SETMAR: variants seen among roughly 807,000 people sequenced by gnomAD.
SETMAR encodes histone-lysine N-methyltransferase SETMAR.
Under a neutral mutation model 58.4 loss-of-function variants are expected in SETMAR, and 44 were observed. That is an observed-to-expected ratio of 0.75 (90% confidence interval 0.59 to 0.97). SETMAR has a LOEUF of 0.97. SETMAR is among the 50% of genes least tolerant of loss of function. SETMAR has a pLI of 0.00. For missense variants in SETMAR, 903 were observed against 840.2 expected (o/e 1.07, Z -0.92); for synonymous variants, 332 against 307.4 (o/e 1.08, Z -0.84).
rs1371238871 is a variant in SETMAR at position 4,316,607 on chromosome 3, T to C, written c.1416T>C (p.Arg472=). Residue 472 remains arginine, a synonymous_variant, in exon 3 of 3, where the codon CGT becomes CGC. Transcript: ENST00000358065. ...TGACTGAAAATCAAAAAAATCGTCGTTTTGAAGTGTCATCTTCTCTTATTC... is the reference window on the plus strand; with the variant it reads ...TGACTGAAAATCAAAAAAATCGTCGCTTTGAAGTGTCATCTTCTCTTATTC... ...HELTENQKNR[R]FEVSSSLILR... 4.5e-6 allele frequency: 7 copies of C among 1,551,136 alleles called. No individual in the cohort carries two copies.
Position 4,312,958 on chromosome 3 carries a change from C to T in SETMAR, c.217C>T (p.Pro73Ser), listed in dbSNP as rs758059201. The change falls in exon 2 of 3, where the codon CCC (proline) becomes TCC (serine). Residue 73 changes from proline to serine, a missense_variant. Transcript: ENST00000358065. The part of the protein sequence containing the change: ...ADIDPTQITF[P>S]GCICVKTPCL... ...CATTGATCCCACTCAAATAACCTTT[C>T]CCGGATGCATTTGTGTCAAAACTCC... 6.2e-7 allele frequency: 1 copy of T among 1,613,960 alleles called. No homozygotes were observed. The highest frequency in any genetic ancestry group is 8.5e-7 in the Non-Finnish European group (1 of 1,179,896).
rs1230524685 is a variant in SETMAR, at chr3:4,316,870, C to T, written c.1679C>T (p.Ala560Val). The T allele has an allele frequency of 6.5e-7, 1 of 1,549,504 alleles. No homozygotes were observed. Among genetic ancestry groups the T allele is most frequent in the Non-Finnish European group, 8.7e-7 (1 of 1,146,760 alleles). Residue 560 changes from alanine (A) to valine (V), a missense_variant, in exon 3 of 3, where the codon GCT (alanine) becomes GTT (valine). Transcript: ENST00000358065. The stretch of plus-strand genomic sequence containing the variant: ...GAAACCATTACATCTGAGAAGTATG[C>T]TCAGGAAATCGATGAGATGAACCAA... ...PGETITSEKYAQEIDEMNQKL... is the reference protein window; with the variant it reads ...PGETITSEKYVQEIDEMNQKL...
At chr3:4,315,571 A>G (rs187678460) in intron 2 of SETMAR, among the ~76,000 whole-genome samples, 99 of 152,296 alleles carry the variant, frequency 6.5e-4, no homozygotes, top group Non-Finnish European at 1.2e-3. Context: ...TCCTAAGGTA[A>G]GAGTCAAAGA....
intron 1 of SETMAR, among the ~76,000 whole-genome samples, chr3:4,310,937 A>G (rs1698382115): frequency 1.3e-5 from 2 of 152,244 alleles, no homozygotes; most frequent in African/African-American, 4.8e-5. Flanking sequence ...ACATTTGAAC[A>G]CTGAACCTTT....
chr3:4,314,103 C>G, intron 2 of SETMAR: 1 of 378,790 alleles, frequency 2.6e-6, no homozygotes, highest in African/African-American at 2.1e-5. Flanking sequence ...GGAACTGGAG[C>G]AGTCATCCTA....
chr3:4,312,802 GT>G, intron 1 of SETMAR, 95 bp from the exon 2 acceptor site: 2 of 1,418,424 alleles, frequency 1.4e-6, no homozygotes, highest in Non-Finnish European at 1.9e-6. Flanking sequence ...TTTTATATAT[GT>G]TAGAATTAGA....
intron 1 of SETMAR, among the ~76,000 whole-genome samples, chr3:4,306,072 C>G (rs111290130): frequency 0.011 from 1,718 of 152,270 alleles, 21 homozygotes; most frequent in African/African-American, 0.038. Context: ...AAGAATACAA[C>G]AAACAGAAAA....
At position 4,313,518 on chromosome 3, in the gene SETMAR, T is replaced by C. The variant is rs149661136; in HGVS notation, c.777T>C (p.Ser259=). 1 of 1,613,904 alleles carries C rather than the reference T, an allele frequency of 6.2e-7. No individual in the cohort carries two copies. Among genetic ancestry groups the C allele is most frequent in the Admixed American group, 1.7e-5 (1 of 59,972 alleles). The change falls in exon 2 of 3, where the codon TCT becomes TCC. Residue 259 remains serine, a synonymous_variant. Transcript: ENST00000358065. ...ATATTGTGCCAGAAGAAGAACTCTC[T>C]TATGATTATTCAGGAAGATATCTTA... ...AKDIVPEEEL[S]YDYSGRYLNL... is the part of the protein sequence containing the mutation.
Position 4,313,331 on chromosome 3 carries a change from G to A in SETMAR, c.590G>A (p.Arg197Lys). 1 of 1,613,634 alleles carries A rather than the reference G, an allele frequency of 6.2e-7. No homozygotes were observed. Among genetic ancestry groups the A allele is most frequent in the Middle Eastern group, 1.7e-4 (1 of 6,058 alleles). ...GACTCCAATTACATTATAGCCATCA[G>A]GGAACATGTTTATAATGGGCAGGTA... ...KSDSNYIIAI[R>K]EHVYNGQVME... The change falls in exon 2 of 3, where the codon AGG (arginine) becomes AAG (lysine). Residue 197 changes from arginine (R) to lysine (K), a missense_variant. Arg to Lys is a conservative substitution (Grantham distance 26). Transcript: ENST00000358065.
At chr3:4,307,809 G>A (rs1698250110) in intron 1 of SETMAR, among the ~76,000 whole-genome samples, 3 of 152,118 alleles carry the variant, frequency 2.0e-5, no homozygotes, top group Admixed American at 6.5e-5. Context: ...GGCCAAGGCG[G>A]GAGAATCACT....
rs142984819 is a variant in SETMAR at position 4,305,965 on chromosome 3, A to G, written c.156+2439A>G. On this transcript the variant is annotated intron_variant, in intron 1 of 2. Transcript: ENST00000358065. ...CTAAGCATTGCTGAGTTCCTGGTCA[A>G]AAACACTGATTTAAAAAACCACTGT... Among the ~76,000 whole-genome samples, 469 of 152,334 alleles carry G rather than the reference A, an allele frequency of 3.1e-3. 6 individuals are homozygous for G. The highest frequency in any genetic ancestry group is 0.011 in the African/African-American group (449 of 41,564).
In SETMAR at chr3:4,313,656, C is replaced by T. The variant is rs764400920; in HGVS notation, c.915C>T (p.Tyr305=). Residue 305 remains tyrosine, a synonymous_variant, in exon 2 of 3, where the codon TAC becomes TAT. Transcript: ENST00000358065. ...TAFLPFDSSL[Y]CPVEKSNISC... ...TCCTGCCTTTTGACAGTTCTCTGTA[C>T]TGCCCCGTAGAAAAGTCGAACATCA... 4 of 1,614,042 alleles carry T rather than the reference C, an allele frequency of 2.5e-6. No homozygotes were observed. Among genetic ancestry groups the T allele is most frequent in the South Asian group, 2.2e-5 (2 of 91,084 alleles).
rs781433708 is a variant in SETMAR at position 4,313,383 on chromosome 3, T to C, written c.642T>C (p.Tyr214=). 6 of 1,613,900 alleles carry C rather than the reference T, an allele frequency of 3.7e-6. No homozygotes were observed. The South Asian group carries it at 6.6e-5, about 18-fold the overall frequency. The part of the protein sequence containing the change: ...QVMETFVDPT[Y]IGNIGRFLNH... ...TGGAAACATTTGTTGACCCTACTTA[T>C]ATAGGAAATATTGGAAGATTCCTTA... The change falls in exon 2 of 3, where the codon TAT becomes TAC. Residue 214 remains tyrosine (Y), a synonymous_variant. Transcript: ENST00000358065.
rs1241750442 is a variant in SETMAR at position 4,316,709 on chromosome 3, A to T, written c.1518A>T (p.Arg506=). 2 of 1,551,036 alleles carry T rather than the reference A, an allele frequency of 1.3e-6. No individual in the cohort carries two copies. Among genetic ancestry groups the T allele is most frequent in the Admixed American group, 2.0e-5 (1 of 50,970 alleles). The change falls in exon 3 of 3, where the codon CGA becomes CGT. Residue 506 remains arginine (R), a synonymous_variant. Transcript: ENST00000358065. ...AGTGGATTTTATATGACAACCGGCG[A>T]CGATCAGCTCAGTGGTTGGATCAAG... ...DEKWILYDNR[R]RSAQWLDQEE... is the part of the protein sequence containing the mutation.
chr3:4,313,122 C>A lies in SETMAR; in HGVS notation c.381C>A (p.His127Gln). Residue 127 changes from histidine (H) to glutamine (Q), a missense_variant, in exon 2 of 3, where the codon CAC becomes CAA. Coordinates refer to ENST00000358065, the MANE Select transcript of SETMAR (RefSeq NM_006515.4). Reference sequence around the variant, plus strand: ...ATGTCCTGTGCCGATGCAGTGACCACTGCAGAAACAGAGTGGTCCAGAAAG... The same window carrying A: ...ATGTCCTGTGCCGATGCAGTGACCAATGCAGAAACAGAGTGGTCCAGAAAG... ...ECNVLCRCSDHCRNRVVQKGL... is the reference protein window; with the variant it reads ...ECNVLCRCSDQCRNRVVQKGL... 1 of 1,614,040 alleles carries A rather than the reference C, an allele frequency of 6.2e-7. No homozygotes were observed. The highest frequency in any genetic ancestry group is 8.5e-7 in the Non-Finnish European group (1 of 1,179,978).
In SETMAR at chr3:4,313,155, G is replaced by C; in HGVS notation, c.414G>C (p.Gln138His). The change falls in exon 2 of 3, where the codon CAG (glutamine) becomes CAC (histidine). Residue 138 changes from glutamine (Q) to histidine (H), a missense_variant. Transcript: ENST00000358065. ...ACAGAGTGGTCCAGAAAGGTCTACAGTTCCACTTCCAAGTGTTCAAGACGC... is the reference window on the plus strand; with the variant it reads ...ACAGAGTGGTCCAGAAAGGTCTACACTTCCACTTCCAAGTGTTCAAGACGC... ...CRNRVVQKGL[Q>H]FHFQVFKTHK... 1 of 1,614,098 alleles carries C rather than the reference G, an allele frequency of 6.2e-7. No homozygotes were observed. Among genetic ancestry groups the C allele is most frequent in the African/African-American group, 1.3e-5 (1 of 75,054 alleles).
intron 1 of SETMAR, among the ~76,000 whole-genome samples, chr3:4,312,052 A>AT (rs538944452): frequency 1.3e-5 from 2 of 152,106 alleles, no homozygotes; most frequent in Non-Finnish European, 2.9e-5. Flanking sequence ...TAAATGACAG[A>AT]TTTTTTTCAT....
rs1285423967 is a variant in SETMAR, at chr3:4,306,547, G to C, written c.156+3021G>C. Among the ~76,000 whole-genome samples, 3 of 152,184 alleles carry C rather than the reference G, an allele frequency of 2.0e-5. No individual in the cohort carries two copies. The East Asian group carries it at 5.8e-4, about 29-fold the overall frequency. ...ATATGCACAGCTCCCAATAAAGTTA[G>C]AGTTACAAAAATAAGACAGGATGCC... On this transcript the variant is annotated intron_variant, in intron 1 of 2. Coordinates refer to ENST00000358065, the MANE Select transcript of SETMAR (RefSeq NM_006515.4).
In SETMAR at chr3:4,316,447, C is replaced by G. The variant is rs1348094739; in HGVS notation, c.1256C>G (p.Ala419Gly). The change falls in exon 3 of 3, where the codon GCA (alanine) becomes GGA (glycine). Residue 419 changes from alanine to glycine, a missense_variant. Coordinates refer to ENST00000358065, the MANE Select transcript of SETMAR (RefSeq NM_006515.4). Reference protein sequence around the residue: ...PSEVDNDQLRAIIEADPLTTT... With the variant: ...PSEVDNDQLRGIIEADPLTTT... ...GAAGTTGACAACGACCAGTTGAGAGCAATCATCGAAGCTGATCCCCTTACA... is the reference window on the plus strand; with the variant it reads ...GAAGTTGACAACGACCAGTTGAGAGGAATCATCGAAGCTGATCCCCTTACA... 7 of 1,601,164 alleles carry G rather than the reference C, an allele frequency of 4.4e-6. No homozygotes were observed. Among genetic ancestry groups the G allele is most frequent in the Non-Finnish European group, 6.0e-6 (7 of 1,174,076 alleles).
Sources: gnomAD v4.1 joint callset for allele counts (sites outside exome capture counted in the v4.1 genomes callset) on GRCh38, gnomAD v4.1.1 for gene constraint, MANE v1.5 for transcripts, NCBI Gene and HGNC (gene_info 2026-07-23, HGNC 2026-07-21) for gene names.